The following NBAS variants were observed in gnomAD, a reference collection of about 807,000 sequenced individuals.
NBAS encodes the protein NBAS subunit of NRZ tethering complex.
Under a neutral mutation model 302.5 loss-of-function variants are expected in NBAS, and 219 were observed. The ratio of observed to expected loss-of-function variants is 0.72; its 90% confidence interval spans 0.65 to 0.81. NBAS has a LOEUF of 0.81. Ranked by LOEUF, NBAS falls within the 30% of genes least tolerant of loss-of-function variation. The pLI, the probability that NBAS is intolerant of heterozygous loss-of-function variation, is 0.00. For missense variants in NBAS, 2,932 were observed against 2,841.6 expected (o/e 1.03, Z -0.72); for synonymous variants, 1,118 against 1,021.6 (o/e 1.09, Z -1.80).
the NBAS span, among the ~76,000 whole-genome samples, chr2:14,918,489 A>C: frequency 1.3e-5 from 2 of 152,216 alleles, no homozygotes; most frequent in Non-Finnish European, 2.9e-5. Flanking sequence ...GTGAAAAAAG[A>C]GAAGTACTGC....
the NBAS span, among the ~76,000 whole-genome samples, chr2:15,082,775 A>G: frequency 6.6e-6 from 1 of 152,204 alleles, no homozygotes; most frequent in South Asian, 2.1e-4. Flanking sequence ...AGCACATGGC[A>G]TGCATTCTCC....
intron 40 of NBAS, among the ~76,000 whole-genome samples, chr2:15,305,177 T>C (rs962292922): frequency 1.3e-5 from 2 of 152,020 alleles, no homozygotes; most frequent in African/African-American, 2.4e-5. Flanking sequence ...ACCCCCATAA[T>C]CCCCAAGTGT....
chr2:15,343,604 A>G lies in NBAS; in HGVS notation c.4179+8388T>C, dbSNP rs141405311. On this transcript the variant is annotated intron_variant, in intron 35 of 51. Transcript: ENST00000281513. The stretch of plus-strand genomic sequence containing the variant: ...AAGAAAACAAAACAAACATTATTCT[A>G]TTAATTTTTATTGTGATATGAGGTA... 5.2e-3 allele frequency among the ~76,000 whole-genome samples: 785 copies of G among 152,268 alleles called. 8 individuals are homozygous for G. The highest frequency in any genetic ancestry group is 0.017 in the African/African-American group (719 of 41,576).
the NBAS span, among the ~76,000 whole-genome samples, chr2:15,137,784 T>C: frequency 2.6e-5 from 4 of 152,278 alleles, no homozygotes; most frequent in East Asian, 5.8e-4. Flanking sequence ...GGAGTTTTTG[T>C]TTTTGTTTTG....
At chr2:15,173,638 A>G (rs1664398898) in intron 51 of NBAS, among the ~76,000 whole-genome samples, 1 of 152,150 alleles carries the variant, frequency 6.6e-6, no homozygotes, top group Admixed American at 6.5e-5. Flanking sequence ...CATCAGTTTC[A>G]CTCCTGGCAT....
At chr2:15,428,197 A>G (rs1677574764) in intron 21 of NBAS, among the ~76,000 whole-genome samples, 1 of 152,220 alleles carries the variant, frequency 6.6e-6, no homozygotes, top group Non-Finnish European at 1.5e-5. Context: ...AATGTTTTGC[A>G]TCTTTGCTAT....
intron 16 of NBAS, among the ~76,000 whole-genome samples, chr2:15,469,752 C>A (rs1254661557): frequency 1.3e-4 from 19 of 149,936 alleles, no homozygotes; most frequent in Non-Finnish European, 2.8e-4. Context: ...AAACCAAACA[C>A]CGCATGTTCT....
At chr2:15,491,162 G>C (rs567028543) in intron 11 of NBAS, among the ~76,000 whole-genome samples, 5 of 152,326 alleles carry the variant, frequency 3.3e-5, no homozygotes, top group African/African-American at 1.2e-4. Context: ...AGGCAGGAAA[G>C]TCATTCCCAC....
chr2:15,240,542 G>C (rs890366053), intron 44 of NBAS, among the ~76,000 whole-genome samples: 4 of 151,830 alleles, frequency 2.6e-5, no homozygotes, highest in Non-Finnish European at 5.9e-5. Flanking sequence ...GCGTGAACCC[G>C]GCAGGCGGAG....
At chr2:14,821,363 G>C in the NBAS span, among the ~76,000 whole-genome samples, 3 of 152,166 alleles carry the variant, frequency 2.0e-5, no homozygotes, top group Non-Finnish European at 4.4e-5. Context: ...ATTTTCCAGA[G>C]TCTGTTATGT....
the NBAS span, among the ~76,000 whole-genome samples, chr2:15,098,432 ATATATTG>A: frequency 1.1e-5 from 1 of 89,118 alleles, no homozygotes; most frequent in Non-Finnish European, 1.9e-5. Context: ...ATTATATATT[ATATATTG>A]TATATTGTAT....
chr2:15,310,115 C>A (rs1330040592), intron 38 of NBAS, among the ~76,000 whole-genome samples: 1 of 152,152 alleles, frequency 6.6e-6, no homozygotes, highest in Non-Finnish European at 1.5e-5. Flanking sequence ...AAGATTTACC[C>A]TCCCAATTAT....
intron 36 of NBAS, among the ~76,000 whole-genome samples, chr2:15,328,660 C>A (rs954107394): frequency 6.6e-6 from 1 of 152,146 alleles, no homozygotes; most frequent in Admixed American, 6.5e-5. Flanking sequence ...AATAACCACT[C>A]GAAAACGTCA....
intron 16 of NBAS, among the ~76,000 whole-genome samples, chr2:15,470,954 C>T (rs1212637583): frequency 6.6e-6 from 1 of 152,022 alleles, no homozygotes; most frequent in East Asian, 1.9e-4. Context: ...AAAAGCAAAA[C>T]TCCATCTCAA....
At chr2:15,298,971 T>C (rs866464876) in intron 40 of NBAS, among the ~76,000 whole-genome samples, 1 of 152,160 alleles carries the variant, frequency 6.6e-6, no homozygotes, top group Non-Finnish European at 1.5e-5. Context: ...CAAGTCTCCA[T>C]GAGTTGCTCT....
chr2:14,900,715 G>A, the NBAS span, among the ~76,000 whole-genome samples: 2 of 152,190 alleles, frequency 1.3e-5, no homozygotes, highest in Non-Finnish European at 2.9e-5. Flanking sequence ...CTATTCTTAA[G>A]AGAAGGAGAG....
At chr2:15,524,431 C>A (rs562458828) in intron 9 of NBAS, among the ~76,000 whole-genome samples, 1 of 152,196 alleles carries the variant, frequency 6.6e-6, no homozygotes, top group Non-Finnish European at 1.5e-5. Flanking sequence ...CCGGTCCAAA[C>A]TGGGGTCTGA....
the NBAS span, among the ~76,000 whole-genome samples, chr2:14,784,619 A>C: frequency 1.3e-5 from 2 of 152,144 alleles, no homozygotes; most frequent in Non-Finnish European, 2.9e-5. Context: ...GTCAAAGATC[A>C]GATAGTTGTA....
the NBAS span, among the ~76,000 whole-genome samples, chr2:15,077,964 G>A: frequency 3.9e-5 from 6 of 152,010 alleles, no homozygotes; most frequent in Non-Finnish European, 7.4e-5. Context: ...TTACAGGCAT[G>A]AGCCACCACG....
Sources: gnomAD v4.1 joint callset for allele counts (sites outside exome capture counted in the v4.1 genomes callset) on GRCh38, gnomAD v4.1.1 for gene constraint, MANE v1.5 for transcripts, NCBI Gene and HGNC (gene_info 2026-07-23, HGNC 2026-07-21) for gene names.